The following NEBL variants were observed in gnomAD, a reference collection of about 807,000 sequenced individuals.
NEBL encodes the protein nebulette, also known as LIM and SH3 protein 2.
In NEBL, 122 loss-of-function variants were observed where a neutral mutation model predicts 140.2. The observed-to-expected ratio is 0.87, with a 90% CI of 0.75 to 1.01. NEBL has a LOEUF of 1.01. Ranked by LOEUF, NEBL falls within the 50% of genes least tolerant of loss-of-function variation. NEBL has a pLI of 0.00. For synonymous variants in NEBL, 436 were observed against 398.9 expected (o/e 1.09, Z -1.11); for missense variants, 1,365 against 1,231.3 (o/e 1.11, Z -1.62).
chr10:21,046,149 G>C (rs1202736226), intron 2 of NEBL, among the ~76,000 whole-genome samples: 1 of 152,162 alleles, frequency 6.6e-6, no homozygotes, highest in African/African-American at 2.4e-5. Context: ...AATACCACAT[G>C]ATCTCACTCA....
At chr10:21,090,601 AT>A (rs1226329833) in intron 2 of NEBL, among the ~76,000 whole-genome samples, 1 of 152,200 alleles carries the variant, frequency 6.6e-6, no homozygotes, top group African/African-American at 2.4e-5. Context: ...TATTTATACA[AT>A]AAACAAATTA....
chr10:21,289,094 G>A lies in NEBL; in HGVS notation n.182+3736C>T, dbSNP rs191359780. ...GAACTCCTGATCTCGTGATCCACCCGCCTCAGCTTCCCAAAATGTTGAGAT... is the reference window on the plus strand; with the variant it reads ...GAACTCCTGATCTCGTGATCCACCCACCTCAGCTTCCCAAAATGTTGAGAT... On this transcript the variant is annotated intron_variant and non_coding_transcript_variant, in intron 1 of 8. Transcript: ENST00000675702. 3.1e-3 allele frequency among the ~76,000 whole-genome samples: 472 copies of A among 151,502 alleles called. 3 individuals carry two copies. The highest frequency in any genetic ancestry group is 5.0e-3 in the Non-Finnish European group (337 of 67,884).
chr10:21,255,373 C>A (rs143959360), intron 1 of NEBL, among the ~76,000 whole-genome samples: 17 of 151,936 alleles, frequency 1.1e-4, no homozygotes, highest in Non-Finnish European at 2.4e-4. Flanking sequence ...TCGGGTATTG[C>A]GAGCTGAGGA....
intron 18 of NEBL, among the ~76,000 whole-genome samples, chr10:20,825,005 A>G (rs1028600695): frequency 2.0e-5 from 3 of 152,164 alleles, no homozygotes; most frequent in Admixed American, 2.0e-4. Flanking sequence ...AGAAGAACAC[A>G]TTCATCCACT....
Position 21,044,168 on chromosome 10 carries a change from G to C in NEBL, c.165-23967C>G, listed in dbSNP as rs575258540. 3.9e-5 allele frequency among the ~76,000 whole-genome samples: 6 copies of C among 152,058 alleles called. 1 individual carries two copies. The highest frequency in any genetic ancestry group is 1.4e-4 in the African/African-American group (6 of 41,492). On this transcript the variant is annotated intron_variant, in intron 2 of 6. Coordinates refer to the NEBL transcript ENST00000417816. Reference sequence around the variant, plus strand: ...TCCCAACAATTTTGGAGGCCAAGGCGGGCGGATCACCTGAGGTCAGGAGTT... The same window carrying C: ...TCCCAACAATTTTGGAGGCCAAGGCCGGCGGATCACCTGAGGTCAGGAGTT...
At chr10:21,137,748 C>T (rs1839421134) in intron 2 of NEBL, among the ~76,000 whole-genome samples, 1 of 151,950 alleles carries the variant, frequency 6.6e-6, no homozygotes. Flanking sequence ...GCCTGGGCAA[C>T]ATAGTGAGAC....
chr10:21,286,385 C>A (rs959356686), intron 1 of NEBL, among the ~76,000 whole-genome samples: 24 of 152,224 alleles, frequency 1.6e-4, no homozygotes, highest in African/African-American at 5.8e-4. Flanking sequence ...CAATGAAATG[C>A]TACCAACATT....
chr10:21,002,659 AC>A (rs1837954478), intron 3 of NEBL, among the ~76,000 whole-genome samples: 1 of 152,148 alleles, frequency 6.6e-6, no homozygotes, highest in Admixed American at 6.5e-5. Context: ...CAAAGGGGAA[AC>A]CAGCACACCC....
chr10:21,174,041 C>A (rs1165047213), exon 1 of NEBL: 3 of 1,131,540 alleles, frequency 2.7e-6, no homozygotes, highest in Non-Finnish European at 3.2e-6. Context: ...CTCTCGGGCT[C>A]GCAGGCGCTG....
chr10:21,020,625 C>T (rs1481459577), intron 2 of NEBL, among the ~76,000 whole-genome samples: 1 of 152,178 alleles, frequency 6.6e-6, no homozygotes, highest in Admixed American at 6.5e-5. Flanking sequence ...CTTCTGGCTT[C>T]CGTTTCTAGA....
At chr10:21,064,676 G>A (rs1835453851) in intron 2 of NEBL, among the ~76,000 whole-genome samples, 1 of 152,114 alleles carries the variant, frequency 6.6e-6, no homozygotes, top group Non-Finnish European at 1.5e-5. Flanking sequence ...TTGAAAAATA[G>A]TACAAGCCAT....
intron 4 of NEBL, among the ~76,000 whole-genome samples, chr10:20,902,333 G>A (rs1038319491): frequency 6.6e-6 from 1 of 152,096 alleles, no homozygotes; most frequent in East Asian, 1.9e-4. Flanking sequence ...GTGAACCTGG[G>A]AGGCAGAGCT....
intron 3 of NEBL, among the ~76,000 whole-genome samples, chr10:21,017,171 T>C (rs1838588623): frequency 1.3e-5 from 2 of 152,062 alleles, no homozygotes; most frequent in East Asian, 3.8e-4. Context: ...TTGAATGTGT[T>C]ACCTAAATAG....
chr10:21,180,105 T>A (rs1200146930), intron 3 of NEBL, among the ~76,000 whole-genome samples: 1 of 151,446 alleles, frequency 6.6e-6, no homozygotes, highest in African/African-American at 2.4e-5. Context: ...CCACTGTACT[T>A]CAGACTGGGT....
intron 2 of NEBL, among the ~76,000 whole-genome samples, chr10:21,071,796 A>T (rs970056708): frequency 1.4e-5 from 1 of 73,650 alleles, no homozygotes; most frequent in Non-Finnish European, 2.7e-5. Flanking sequence ...TCAAAGTTAC[A>T]ATAGTGTTGG....
At chr10:21,010,102 T>G (rs1256828287) in intron 3 of NEBL, among the ~76,000 whole-genome samples, 1 of 152,186 alleles carries the variant, frequency 6.6e-6, no homozygotes, top group Admixed American at 6.5e-5. Flanking sequence ...GAGTGTTGAT[T>G]AAGGGTATTA....
chr10:21,190,830 T>A (rs1386662293), intron 3 of NEBL, among the ~76,000 whole-genome samples: 1 of 152,232 alleles, frequency 6.6e-6, no homozygotes, highest in South Asian at 2.1e-4. Context: ...TACATAAAGC[T>A]ATGTAATAGA....
intron 2 of NEBL, among the ~76,000 whole-genome samples, chr10:21,033,376 A>G (rs1833876106): frequency 6.6e-6 from 1 of 152,256 alleles, no homozygotes; most frequent in Non-Finnish European, 1.5e-5. Context: ...AAAAATAATT[A>G]TTTAAAGCCT....
chr10:20,937,985 C>T (rs974204545), intron 4 of NEBL, among the ~76,000 whole-genome samples: 2 of 152,198 alleles, frequency 1.3e-5, no homozygotes, highest in African/African-American at 4.8e-5. Context: ...AGGAGGCCTG[C>T]CTGCCTCTGT....
Sources: allele counts gnomAD v4.1 joint callset (sites outside exome capture counted in the v4.1 genomes callset), GRCh38; gene constraint gnomAD v4.1.1; transcripts MANE v1.5; gene names NCBI Gene and HGNC (gene_info 2026-07-23, HGNC 2026-07-21).